PAX5: variants seen among roughly 807,000 people sequenced by gnomAD.
The protein encoded by PAX5 is paired box protein Pax-5.
In PAX5, 9 loss-of-function variants were observed where a neutral mutation model predicts 43.7. The ratio of observed to expected loss-of-function variants is 0.21; its 90% CI spans 0.12 to 0.36. The LOEUF is 0.36. Ranked by LOEUF, PAX5 falls within the 10% of genes least tolerant of loss-of-function variation. The pLI is 1.00. For missense variants in PAX5, 383 were observed against 532.7 expected, an observed-to-expected ratio of 0.72 and a Z score of 2.77; for synonymous variants, 228 against 214.3, an observed-to-expected ratio of 1.06 and a Z score of -0.56.
At chr9:36,863,839 A>G (rs190809499) in intron 8 of PAX5, among the ~76,000 whole-genome samples, 78 of 152,334 alleles carry the variant, frequency 5.1e-4, no homozygotes, top group South Asian at 2.5e-3. Flanking sequence ...GGCCGGGCGC[A>G]GTGGCTCACG....
At chr9:36,939,698 TA>T (rs984774370) in intron 6 of PAX5, among the ~76,000 whole-genome samples, 4 of 152,218 alleles carry the variant, frequency 2.6e-5, no homozygotes, top group African/African-American at 7.2e-5. Context: ...CATTTTTCTG[TA>T]AATTTTGTCA....
chr9:36,869,911 G>GATAA (rs1563914692), intron 8 of PAX5, among the ~76,000 whole-genome samples: 18 of 147,218 alleles, frequency 1.2e-4, no homozygotes, highest in African/African-American at 4.5e-4. Context: ...TGGATGGATG[G>GATAA]ATGGATGGAT....
intron 7 of PAX5, among the ~76,000 whole-genome samples, chr9:36,914,747 T>C (rs995599344): frequency 6.6e-6 from 1 of 152,138 alleles, no homozygotes; most frequent in Non-Finnish European, 1.5e-5. Flanking sequence ...GCATCCCTGC[T>C]ACAGCACCAT....
chr9:37,017,986 C>T (rs1431508599), intron 2 of PAX5, among the ~76,000 whole-genome samples: 2 of 152,232 alleles, frequency 1.3e-5, no homozygotes, highest in Admixed American at 6.5e-5. Context: ...ACACAATGTC[C>T]TTCGGTGCAA....
At chr9:36,936,853 C>T (rs1831600938) in intron 6 of PAX5, among the ~76,000 whole-genome samples, 1 of 6,110 alleles carries the variant, frequency 1.6e-4, no homozygotes, top group Non-Finnish European at 1.1e-3. Context: ...CACACATGCA[C>T]ACACACACAC....
At chr9:36,881,962 C>G (rs1376621826) in intron 8 of PAX5, 42 bp downstream of exon 8, 1 of 1,478,980 alleles carries the variant, frequency 6.8e-7, no homozygotes, top group Non-Finnish European at 9.3e-7. Context: ...ACCGAAACCC[C>G]GTCCGCTGCC....
chr9:36,925,112 G>A (rs1830545487), intron 6 of PAX5, among the ~76,000 whole-genome samples: 2 of 152,134 alleles, frequency 1.3e-5, no homozygotes, highest in Admixed American at 1.3e-4. Flanking sequence ...AAGGGGCTGG[G>A]ACTCAGGCAC....
intron 6 of PAX5, among the ~76,000 whole-genome samples, chr9:36,961,140 T>C (rs1833938807): frequency 6.6e-6 from 1 of 152,200 alleles, no homozygotes; most frequent in Non-Finnish European, 1.5e-5. Context: ...CCATCCCTGA[T>C]GACCAAGCTC....
intron 7 of PAX5, among the ~76,000 whole-genome samples, chr9:36,911,355 C>G (rs1278881366): frequency 6.0e-5 from 9 of 150,920 alleles, no homozygotes; most frequent in African/African-American, 2.2e-4. Flanking sequence ...TCGGGGGGGT[C>G]TCCCTATGTT....
chr9:37,020,515 G>A, intron 2 of PAX5, 121 bp downstream of exon 2: 1 of 1,031,792 alleles, frequency 9.7e-7, no homozygotes, highest in Non-Finnish European at 1.5e-6. Context: ...AAAGTGCTCT[G>A]CGTGTGAAAC....
intron 7 of PAX5, among the ~76,000 whole-genome samples, chr9:36,892,427 C>T (rs563028128): frequency 2.0e-5 from 3 of 152,322 alleles, no homozygotes; most frequent in East Asian, 1.9e-4. Context: ...GTTCTAAGCA[C>T]TTTGTATGTA....
At chr9:37,020,201 CA>C (rs1839737428) in intron 2 of PAX5, among the ~76,000 whole-genome samples, 1 of 151,552 alleles carries the variant, frequency 6.6e-6, no homozygotes, top group Admixed American at 6.6e-5. Flanking sequence ...CCCAACATAA[CA>C]AGGTTGATAA....
chr9:37,010,551 T>G (rs573832005), intron 3 of PAX5, among the ~76,000 whole-genome samples: 1 of 152,294 alleles, frequency 6.6e-6, no homozygotes, highest in East Asian at 1.9e-4. Context: ...TTTGTGGCAT[T>G]TAAGGATCCC....
chr9:36,978,489 T>A (rs913358282), intron 5 of PAX5, among the ~76,000 whole-genome samples: 1 of 148,204 alleles, frequency 6.7e-6, no homozygotes, highest in Non-Finnish European at 1.5e-5. Context: ...CTCTCTCCCA[T>A]CCCCCACTGC....
intron 8 of PAX5, among the ~76,000 whole-genome samples, chr9:36,852,475 G>A (rs1447230251): frequency 6.6e-6 from 1 of 152,220 alleles, no homozygotes; most frequent in Non-Finnish European, 1.5e-5. Flanking sequence ...GGAACTGTCT[G>A]GAAGGTAGCC....
intron 7 of PAX5, among the ~76,000 whole-genome samples, chr9:36,907,396 G>T (rs189500001): frequency 1.3e-5 from 2 of 152,060 alleles, no homozygotes; most frequent in Non-Finnish European, 1.5e-5. Flanking sequence ...CTCCCTCCCC[G>T]CATAGCATGG....
intron 6 of PAX5, among the ~76,000 whole-genome samples, chr9:36,936,585 C>T (rs1831572962): frequency 6.6e-6 from 1 of 152,164 alleles, no homozygotes; most frequent in African/African-American, 2.4e-5. Context: ...TCCTCAAATA[C>T]CTAGCATGGG....
chr9:36,964,629 C>T (rs1338355368), intron 6 of PAX5, among the ~76,000 whole-genome samples: 1 of 152,054 alleles, frequency 6.6e-6, no homozygotes, highest in Non-Finnish European at 1.5e-5. Flanking sequence ...AACTTTCTTC[C>T]ACATTCTGGA....
chr9:36,875,547 C>T (rs1225903986), intron 8 of PAX5, among the ~76,000 whole-genome samples: 2 of 137,670 alleles, frequency 1.5e-5, no homozygotes, highest in African/African-American at 6.3e-5. Context: ...GAATTGTGGC[C>T]CCCCCCAAAA....
Sources: gnomAD v4.1 joint callset for allele counts (sites outside exome capture counted in the v4.1 genomes callset) on GRCh38, gnomAD v4.1.1 for gene constraint, MANE v1.5 for transcripts, NCBI Gene and HGNC (gene_info 2026-07-23, HGNC 2026-07-21) for gene names.